The following ERLN variants were observed in gnomAD, a reference collection of about 807,000 sequenced individuals.
ERLN encodes endoregulin.
chr17:75,647,273 G>A, the ERLN span: 6 of 1,049,868 alleles, frequency 5.7e-6, no homozygotes, highest in Non-Finnish European at 4.1e-6. Context: ...TGCTCACAGA[G>A]GCTGCTACAG....
the ERLN span, chr17:75,647,834 G>A: frequency 2.6e-6 from 1 of 381,632 alleles, no homozygotes; most frequent in Non-Finnish European, 4.9e-6. Context: ...CACATGGAGA[G>A]GATGGCTCCA....
the ERLN span, among the ~76,000 whole-genome samples, chr17:75,647,212 A>G: frequency 2.0e-5 from 3 of 152,194 alleles, no homozygotes; most frequent in African/African-American, 7.2e-5. Flanking sequence ...GCAGGCATCC[A>G]GCACAAAGAC....
chr17:75,647,492 T>C, the ERLN span: 2 of 1,550,364 alleles, frequency 1.3e-6, no homozygotes, highest in Non-Finnish European at 1.7e-6. Context: ...CTGCTTCTCA[T>C]CTTATTTGCC....
chr17:75,647,285 G>A, the ERLN span: 8 of 1,185,604 alleles, frequency 6.7e-6, no homozygotes, highest in Non-Finnish European at 9.4e-6. Context: ...CTGCTACAGA[G>A]GCTGGAGTCG....
At chr17:75,647,149 G>T in the ERLN span, among the ~76,000 whole-genome samples, 3 of 152,212 alleles carry the variant, frequency 2.0e-5, no homozygotes, top group African/African-American at 4.8e-5. Context: ...CACTTCTTGC[G>T]CCAGTCCTGG....
At chr17:75,647,587 A>G in the ERLN span, 1 of 1,548,926 alleles carries the variant, frequency 6.5e-7, no homozygotes, top group Non-Finnish European at 8.7e-7. Flanking sequence ...GGGGACTGAG[A>G]TGGCAGCAGG....
At chr17:75,647,267 CACAGAGGCTGCT>C in the ERLN span, 17 of 1,001,914 alleles carry the variant, frequency 1.7e-5, no homozygotes, top group East Asian at 2.4e-4. Context: ...GCCGGCTGCT[CACAGAGGCTGCT>C]ACAGAGGCTG....
the ERLN span, chr17:75,647,657 C>T: frequency 8.0e-7 from 1 of 1,248,890 alleles, no homozygotes; most frequent in Non-Finnish European, 1.1e-6. Context: ...CCCTCTGGCT[C>T]AGGGGCCAAG....
chr17:75,647,478 T>C, the ERLN span: 1 of 1,550,356 alleles, frequency 6.5e-7, no homozygotes, highest in Non-Finnish European at 8.7e-7. Context: ...TCATCACCGC[T>C]GTCCTGCTTC....
chr17:75,647,726 G>C, the ERLN span: 1 of 703,960 alleles, frequency 1.4e-6, no homozygotes, highest in African/African-American at 1.8e-5. Context: ...ATCTGGCTTA[G>C]GGTTGGTCAG....
chr17:75,647,636 C>A, the ERLN span: 1 of 1,454,422 alleles, frequency 6.9e-7, no homozygotes, highest in Non-Finnish European at 9.3e-7. Flanking sequence ...GTGGTGGGCC[C>A]CTTCGCGGTT....
At chr17:75,647,053 T>C in the ERLN span, among the ~76,000 whole-genome samples, 1 of 152,186 alleles carries the variant, frequency 6.6e-6, no homozygotes, top group African/African-American at 2.4e-5. Context: ...GTCTCAGGGA[T>C]GAGAGAGAGT....
chr17:75,647,718 C>T, the ERLN span: 9 of 740,082 alleles, frequency 1.2e-5, no homozygotes, highest in Non-Finnish European at 1.6e-5. Flanking sequence ...AATACTGTAT[C>T]TGGCTTAGGG....
At chr17:75,647,564 G>A in the ERLN span, 3 of 1,549,932 alleles carry the variant, frequency 1.9e-6, no homozygotes, top group Non-Finnish European at 2.6e-6. Flanking sequence ...GAAGAGGAGT[G>A]ACCTGACTTG....
chr17:75,647,497 T>C, the ERLN span: 1 of 1,550,400 alleles, frequency 6.4e-7, no homozygotes, highest in Non-Finnish European at 8.7e-7. Flanking sequence ...TCTCATCTTA[T>C]TTGCCATCGT....
At chr17:75,647,423 GGCAGAACCCCTGGGA>G in the ERLN span, 1 of 1,550,026 alleles carries the variant, frequency 6.5e-7, no homozygotes, top group Non-Finnish European at 8.7e-7. Flanking sequence ...GATGCGTTCT[GGCAGAACCCCTGGGA>G]CCAGGGGGGC....
the ERLN span, chr17:75,647,442 G>A: frequency 6.5e-7 from 1 of 1,550,028 alleles, no homozygotes; most frequent in Non-Finnish European, 8.7e-7. Flanking sequence ...CCTGGGACCA[G>A]GGGGGCCTGG....
the ERLN span, chr17:75,647,677 C>A: frequency 9.8e-7 from 1 of 1,018,386 alleles, no homozygotes; most frequent in Non-Finnish European, 1.4e-6. Context: ...GCCCTGGTGT[C>A]TTCCTTTCCC....
chr17:75,647,655 C>A, the ERLN span: 1 of 1,264,710 alleles, frequency 7.9e-7, no homozygotes, highest in Non-Finnish European at 1.1e-6. Context: ...TTCCCTCTGG[C>A]TCAGGGGCCA....
Sources: allele counts gnomAD v4.1 joint callset (sites outside exome capture counted in the v4.1 genomes callset), GRCh38; gene constraint gnomAD v4.1.1; transcripts MANE v1.5; gene names NCBI Gene and HGNC (gene_info 2026-07-23, HGNC 2026-07-21).